Variants in LEKR1 observed in about 807,000 individuals in gnomAD.
LEKR1 encodes the protein leucine, glutamate and lysine rich 1, also known as protein LEKR1.
LEKR1 carries 59 observed loss-of-function variants against 72.4 expected under a neutral mutation model. The ratio of observed to expected loss-of-function variants is 0.82; its 90% CI spans 0.66 to 1.01. The LOEUF (loss-of-function observed/expected upper bound fraction) is 1.01. Among genes scored for constraint, LEKR1 ranks in the 50% least tolerant of loss-of-function variants. LEKR1 has a pLI of 0.00. For missense variants in LEKR1, 728 were observed against 759.2 expected, an observed-to-expected ratio of 0.96 and a Z score of 0.48; for synonymous variants, 257 against 263.2, an observed-to-expected ratio of 0.98 and a Z score of 0.23.
chr3:156,887,429 T>C (rs1720220834), intron 3 of LEKR1, among the ~76,000 whole-genome samples: 1 of 152,186 alleles, frequency 6.6e-6, no homozygotes, highest in South Asian at 2.1e-4. Flanking sequence ...TTTACATTAG[T>C]AAAAAGTAGA....
intron 9 of LEKR1, among the ~76,000 whole-genome samples, chr3:157,006,888 A>C (rs1732480903): frequency 6.6e-6 from 1 of 152,184 alleles, no homozygotes; most frequent in Non-Finnish European, 1.5e-5. Flanking sequence ...TGCCTGGAGG[A>C]GAGGGGCAGG....
At chr3:156,835,393 C>T (rs1712972058) in intron 2 of LEKR1, among the ~76,000 whole-genome samples, 1 of 152,226 alleles carries the variant, frequency 6.6e-6, no homozygotes, top group Admixed American at 6.5e-5. Context: ...CGTGCAGCTT[C>T]CAGGGCCTGA....
At chr3:157,003,633 C>T (rs1453417753) in intron 9 of LEKR1, among the ~76,000 whole-genome samples, 2 of 152,160 alleles carry the variant, frequency 1.3e-5, no homozygotes, top group Non-Finnish European at 2.9e-5. Context: ...CCCTCTGCCC[C>T]ATCCAGATAA....
chr3:156,987,021 G>A (rs1730747823), intron 7 of LEKR1, among the ~76,000 whole-genome samples: 1 of 122,652 alleles, frequency 8.2e-6, no homozygotes, highest in Non-Finnish European at 1.8e-5. Context: ...GAAATAGCTA[G>A]CTATTGTATT....
intron 12 of LEKR1, among the ~76,000 whole-genome samples, chr3:157,035,261 T>A (rs1369072434): frequency 6.6e-6 from 1 of 152,190 alleles, no homozygotes; most frequent in Non-Finnish European, 1.5e-5. Context: ...TATCTCTGTA[T>A]GCCTATGCCT....
intron 5 of LEKR1, among the ~76,000 whole-genome samples, chr3:156,932,798 C>A (rs4356776): frequency 0.84 from 127,513 of 151,202 alleles, 53,922 homozygotes; most frequent in African/African-American, 0.91. Flanking sequence ...TGGGAGGCCG[C>A]GGCAGGCGGA....
chr3:157,045,600 C>G lies in LEKR1; in HGVS notation c.1929C>G (p.Thr643=). 1 of 1,614,168 alleles carries G rather than the reference C, an allele frequency of 6.2e-7. No individual in the cohort carries two copies. Among genetic ancestry groups the G allele is most frequent in the Admixed American group, 1.7e-5 (1 of 60,002 alleles). Reference sequence around the variant, plus strand: ...ACCTGCGCGGGGTGTCAAAACCCACCACTTTCCCAACCTCAGATAAGCCGA... The same window carrying G: ...ACCTGCGCGGGGTGTCAAAACCCACGACTTTCCCAACCTCAGATAAGCCGA... ...IPNLRGVSKP[T]TFPTSDKPKR... is the part of the protein sequence containing the mutation. Residue 643 remains threonine, a synonymous_variant, in exon 13 of 13, where the codon ACC becomes ACG. Coordinates refer to ENST00000356539, the MANE Select transcript of LEKR1 (RefSeq NM_001004316.3).
chr3:156,849,778 C>A lies in LEKR1; in HGVS notation c.49-2990C>A, dbSNP rs1417163626. On this transcript the variant is annotated intron_variant, in intron 2 of 12. Coordinates refer to ENST00000356539, the MANE Select transcript of LEKR1 (RefSeq NM_001004316.3). ...TAATTCAAGATGGATTAAAGACTTA[C>A]ATGTTAGACCTAAAACCATAAAAAC... Among the ~76,000 whole-genome samples, 287 of 152,090 alleles carry A rather than the reference C, an allele frequency of 1.9e-3. 2 individuals are homozygous for A. The highest frequency in any genetic ancestry group is 6.6e-3 in the African/African-American group (274 of 41,498).
intron 6 of LEKR1, among the ~76,000 whole-genome samples, chr3:156,953,099 A>G (rs914916930): frequency 5.3e-5 from 8 of 151,344 alleles, no homozygotes; most frequent in African/African-American, 1.9e-4. Flanking sequence ...GAAACTAACT[A>G]CAGTATTTAT....
At chr3:157,022,901 A>C (rs1320940564) in intron 10 of LEKR1, among the ~76,000 whole-genome samples, 1 of 152,222 alleles carries the variant, frequency 6.6e-6, no homozygotes, top group African/African-American at 2.4e-5. Context: ...GAGCCAAAAT[A>C]ACTCTTTGCA....
chr3:156,947,104 A>T (rs891036586), intron 6 of LEKR1, among the ~76,000 whole-genome samples: 1 of 150,386 alleles, frequency 6.6e-6, no homozygotes, highest in Admixed American at 6.7e-5. Context: ...TGTTTTCTTC[A>T]GTCTCAATTT....
chr3:156,872,210 G>A (rs1023519884), intron 3 of LEKR1, among the ~76,000 whole-genome samples: 8 of 151,502 alleles, frequency 5.3e-5, no homozygotes, highest in Admixed American at 4.0e-4. Context: ...TTCCCTCTAG[G>A]TGTTCTAGTT....
At chr3:157,008,468 G>A (rs1020033845) in intron 9 of LEKR1, among the ~76,000 whole-genome samples, 6 of 152,134 alleles carry the variant, frequency 3.9e-5, no homozygotes, top group Admixed American at 1.3e-4. Flanking sequence ...CTACAATACA[G>A]TGAACTTCTG....
chr3:156,864,329 A>G (rs1292702444), intron 3 of LEKR1, among the ~76,000 whole-genome samples: 1 of 151,890 alleles, frequency 6.6e-6, no homozygotes, highest in East Asian at 1.9e-4. Flanking sequence ...AATGTGGATG[A>G]CTCCAGTTAA....
intron 5 of LEKR1, among the ~76,000 whole-genome samples, chr3:156,939,527 A>G (rs1002056202): frequency 3.3e-5 from 5 of 152,210 alleles, no homozygotes; most frequent in Admixed American, 3.3e-4. Flanking sequence ...GTTACTTTAA[A>G]AGATTTGCAT....
intron 7 of LEKR1, among the ~76,000 whole-genome samples, chr3:156,989,396 TTTTA>T (rs1245156845): frequency 1.3e-5 from 2 of 152,198 alleles, no homozygotes; most frequent in Non-Finnish European, 2.9e-5. Context: ...ACTTGAATAT[TTTTA>T]AGGCTTTTAA....
intron 9 of LEKR1, among the ~76,000 whole-genome samples, chr3:157,006,827 A>G (rs575078166): frequency 3.3e-5 from 5 of 152,138 alleles, no homozygotes; most frequent in Admixed American, 2.0e-4. Context: ...ATATATCTAC[A>G]TATCCCCAAA....
chr3:156,899,549 C>CATACAT (rs1349766824), intron 3 of LEKR1, among the ~76,000 whole-genome samples: 1 of 90,538 alleles, frequency 1.1e-5, no homozygotes, highest in African/African-American at 5.9e-5. Context: ...TACATATATA[C>CATACAT]ACATATATAC....
chr3:156,951,466 A>T (rs1054520317), intron 6 of LEKR1, among the ~76,000 whole-genome samples: 1 of 151,090 alleles, frequency 6.6e-6, no homozygotes, highest in African/African-American at 2.4e-5. Flanking sequence ...GGTAGAATTC[A>T]GCTGTGAATC....
Sources: gnomAD v4.1 joint callset for allele counts (sites outside exome capture counted in the v4.1 genomes callset) on GRCh38, gnomAD v4.1.1 for gene constraint, MANE v1.5 for transcripts, NCBI Gene and HGNC (gene_info 2026-07-23, HGNC 2026-07-21) for gene names.